CACNG5: variants seen among roughly 807,000 people sequenced by gnomAD.
CACNG5 encodes calcium voltage-gated channel auxiliary subunit gamma 5.
A neutral mutation model predicts 24.8 loss-of-function variants in CACNG5; 18 were observed. The ratio of observed to expected loss-of-function variants is 0.73; its 90% CI spans 0.50 to 1.08. CACNG5 has a LOEUF of 1.08. Among genes scored for constraint, CACNG5 ranks in the 50% least tolerant of loss-of-function variants. The pLI is 0.00. For synonymous variants in CACNG5, 157 were observed against 149.1 expected (o/e 1.05, Z -0.39); for missense variants, 349 against 367.9 (o/e 0.95, Z 0.42).
At chr17:66,852,351 T>A (rs1192523210) in intron 1 of CACNG5, among the ~76,000 whole-genome samples, 1 of 152,178 alleles carries the variant, frequency 6.6e-6, no homozygotes, top group Non-Finnish European at 1.5e-5. Context: ...TTAGTCTCCA[T>A]AATCATGTGA....
chr17:66,878,890 A>G lies in CACNG5; in HGVS notation c.197-82A>G, dbSNP rs1375244687. 5.1e-6 allele frequency: 6 copies of G among 1,175,664 alleles called. No individual in the cohort carries two copies. In the East Asian group the frequency reaches 1.4e-4, roughly 28 times the overall value. 72.8% of individuals were successfully genotyped at this position (1,175,664 alleles called of 1,614,324 possible). A position where few individuals can be genotyped will look rare whatever the true frequency, so the allele number is the denominator to read the frequency against. ...ACAGCAGGTCAAAGATCCTAAAAACACACTTGGAAATACCATTTGTATGGA... is the reference window on the plus strand; with the variant it reads ...ACAGCAGGTCAAAGATCCTAAAAACGCACTTGGAAATACCATTTGTATGGA... On this transcript the variant is annotated intron_variant, in intron 2 of 5. Transcript: ENST00000533854.
intron 1 of CACNG5, among the ~76,000 whole-genome samples, chr17:66,865,317 T>C (rs1976914380): frequency 6.6e-6 from 1 of 151,900 alleles, no homozygotes; most frequent in East Asian, 1.9e-4. Flanking sequence ...ATGTTTACAG[T>C]GTTGCACAAG....
In CACNG5 at chr17:66,848,697, C is replaced by T. The variant is rs573422596; in HGVS notation, c.-104+13447C>T. On this transcript the variant is annotated intron_variant, in intron 1 of 5. Transcript: ENST00000533854. Reference sequence around the variant, plus strand: ...AGGTCCTGGTAGTGGCCCTGCTCCCCTCCTTGGACCTTCTCCCCCAGCCCC... The same window carrying T: ...AGGTCCTGGTAGTGGCCCTGCTCCCTTCCTTGGACCTTCTCCCCCAGCCCC... Among the ~76,000 whole-genome samples, 29 of 152,320 alleles carry T rather than the reference C, an allele frequency of 1.9e-4. 2 individuals are homozygous for T. The South Asian group carries it at 5.6e-3, about 29-fold the overall frequency.
chr17:66,880,672 C>G lies in CACNG5; in HGVS notation c.399C>G (p.Val133=). ...CCCACCGGACGATACTGGCCTTTGT[C>G]TCTGGCATCTTCTTTATCCTCTCAG... The part of the protein sequence containing the change: ...IRPHRTILAF[V]SGIFFILSGL... The change falls in exon 4 of 6, where the codon GTC becomes GTG. Residue 133 remains valine (V), a synonymous_variant. Transcript: ENST00000533854. 6.2e-7 allele frequency: 1 copy of G among 1,614,218 alleles called. No individual in the cohort carries two copies.
rs149102243 is a variant in CACNG5, at chr17:66,894,205, C to T, written c.*8965C>T. ...TCCAGGTGTGGGGACTGTCCCCATG[C>T]GTTGACTGCTCTCCCCGACCTCCAA... On this transcript the variant is annotated 3_prime_UTR_variant, in exon 6 of 6. Transcript: ENST00000533854. Among the ~76,000 whole-genome samples, 493 of 152,264 alleles carry T rather than the reference C, an allele frequency of 3.2e-3. 10 individuals carry two copies. The highest frequency in any genetic ancestry group is 0.022 in the Admixed American group (341 of 15,282).
At chr17:66,843,350 T>G (rs1051360076) in intron 1 of CACNG5, among the ~76,000 whole-genome samples, 1 of 152,192 alleles carries the variant, frequency 6.6e-6, no homozygotes, top group Non-Finnish European at 1.5e-5. Flanking sequence ...ACAGGACATT[T>G]CAAGAGCTAC....
At chr17:66,879,136 A>T in intron 3 of CACNG5, 78 bp downstream of exon 3, 2 of 1,079,478 alleles carry the variant, frequency 1.9e-6, no homozygotes, top group Non-Finnish European at 2.9e-6. Flanking sequence ...TCAGTGTGCC[A>T]GCATATTTCT....
intron 5 of CACNG5, 86 bp from the exon 6 acceptor site, chr17:66,884,897 C>T (rs148429496): frequency 1.9e-4 from 304 of 1,613,558 alleles, no homozygotes; most frequent in Non-Finnish European, 2.4e-4. Context: ...CCACCCCACT[C>T]GAGCTGTGTC....
intron 1 of CACNG5, among the ~76,000 whole-genome samples, chr17:66,835,551 C>G: frequency 6.6e-6 from 1 of 152,202 alleles, no homozygotes; most frequent in East Asian, 1.9e-4. Flanking sequence ...TTACCCATGC[C>G]AAAGCTGAGG....
chr17:66,890,872 C>T lies in CACNG5; in HGVS notation c.*5632C>T, dbSNP rs927215517. Among the ~76,000 whole-genome samples the T allele has an allele frequency of 6.6e-6, 1 of 152,180 alleles. No individual in the cohort carries two copies. Among genetic ancestry groups the T allele is most frequent in the African/African-American group, 2.4e-5 (1 of 41,442 alleles). On this transcript the variant is annotated 3_prime_UTR_variant, in exon 6 of 6. Transcript: ENST00000533854. ...AGCTCAAGTAGTAGACTCCTCCCAG[C>T]CCCTGCCTCCTGATGGAGGCACCCA...
chr17:66,871,814 C>A (rs574688832), intron 1 of CACNG5, among the ~76,000 whole-genome samples: 18 of 152,224 alleles, frequency 1.2e-4, no homozygotes, highest in African/African-American at 4.1e-4. Context: ...GAGCCAAGAT[C>A]GCACCACGGC....
At chr17:66,880,265 C>G (rs1977138227) in intron 3 of CACNG5, among the ~76,000 whole-genome samples, 1 of 152,204 alleles carries the variant, frequency 6.6e-6, no homozygotes, top group Non-Finnish European at 1.5e-5. Flanking sequence ...TCCATATTGG[C>G]AGACAGTGTG....
chr17:66,893,545 G>A lies in CACNG5; in HGVS notation c.*8305G>A, dbSNP rs1977372367. ...CCATGGAACATGTTTGGCGTGTGTG[G>A]TTAGGGGTCATCTGATGCATCCTAC... On this transcript the variant is annotated 3_prime_UTR_variant, in exon 6 of 6. Coordinates refer to ENST00000533854, the MANE Select transcript of CACNG5 (RefSeq NM_145811.3). Among the ~76,000 whole-genome samples the A allele has an allele frequency of 1.3e-5, 2 of 152,254 alleles. No individual in the cohort carries two copies.
intron 1 of CACNG5, among the ~76,000 whole-genome samples, chr17:66,844,888 G>T (rs947059089): frequency 6.6e-6 from 1 of 152,196 alleles, no homozygotes; most frequent in Non-Finnish European, 1.5e-5. Flanking sequence ...CTTGGAATTT[G>T]TGAAAGGCGA....
intron 1 of CACNG5, among the ~76,000 whole-genome samples, chr17:66,845,880 C>A (rs1255163932): frequency 6.6e-6 from 1 of 152,156 alleles, no homozygotes; most frequent in Non-Finnish European, 1.5e-5. Context: ...TTGTCTCCAT[C>A]CACTCTGGGA....
intron 1 of CACNG5, among the ~76,000 whole-genome samples, chr17:66,866,770 T>C (rs1265994028): frequency 1.3e-5 from 2 of 152,204 alleles, no homozygotes; most frequent in East Asian, 3.8e-4. Flanking sequence ...GCTTCCAGCT[T>C]CATCCATGTC....
chr17:66,885,109 C>T lies in CACNG5; in HGVS notation c.697C>T (p.His233Tyr), dbSNP rs41280112. Reference sequence around the variant, plus strand: ...CTCCGATTACTCAGGCCAGTTCCTACACCCAGACGCCTGGGTCAGGGGCCG... The same window carrying T: ...CTCCGATTACTCAGGCCAGTTCCTATACCCAGACGCCTGGGTCAGGGGCCG... ...NCSDYSGQFL[H>Y]PDAWVRGRSP... The change falls in exon 6 of 6, where the codon CAC becomes TAC. Residue 233 changes from histidine to tyrosine, a missense_variant. By Grantham distance (83) the His-to-Tyr change is moderately conservative. Coordinates refer to ENST00000533854, the MANE Select transcript of CACNG5 (RefSeq NM_145811.3). 0.017 allele frequency: 27,004 copies of T among 1,614,224 alleles called. 313 individuals are homozygous for T. The highest frequency in any genetic ancestry group is 0.02 in the Non-Finnish European group (23,670 of 1,180,028).
At chr17:66,840,870 TTGCCCTG>T (rs887575356) in intron 1 of CACNG5, among the ~76,000 whole-genome samples, 2 of 152,146 alleles carry the variant, frequency 1.3e-5, no homozygotes, top group African/African-American at 4.8e-5. Flanking sequence ...GTGTGTGTGT[TTGCCCTG>T]TTTGATCCCT....
Position 66,887,971 on chromosome 17 carries a change from T to C in CACNG5, c.*2731T>C, listed in dbSNP as rs539341073. On this transcript the variant is annotated 3_prime_UTR_variant, in exon 6 of 6. Transcript: ENST00000533854. ...AGGAGACTTTTACCAAACGTTAACA[T>C]GTACAAACTCAACTCAGAAATCATA... 3.9e-5 allele frequency among the ~76,000 whole-genome samples: 6 copies of C among 152,138 alleles called. No individual in the cohort carries two copies. Among genetic ancestry groups the C allele is most frequent in the Non-Finnish European group, 8.8e-5 (6 of 68,028 alleles).
Sources: gnomAD v4.1 joint callset for allele counts (sites outside exome capture counted in the v4.1 genomes callset) on GRCh38, gnomAD v4.1.1 for gene constraint, MANE v1.5 for transcripts, NCBI Gene and HGNC (gene_info 2026-07-23, HGNC 2026-07-21) for gene names.